Variants in GRM7 observed in about 807,000 individuals in gnomAD.
GRM7 encodes the protein metabotropic glutamate receptor 7.
Under a neutral mutation model 84.5 loss-of-function variants are expected in GRM7, and 35 were observed. That is an observed-to-expected ratio of 0.41 (90% CI 0.32 to 0.55). The LOEUF (loss-of-function observed/expected upper bound fraction) is 0.55. Among genes scored for constraint, GRM7 ranks in the 20% least tolerant of loss-of-function variants. The pLI is 0.19. For missense variants in GRM7, 1,003 were observed against 1,194.6 expected, an observed-to-expected ratio of 0.84 and a Z score of 2.36; for synonymous variants, 487 against 455.1, an observed-to-expected ratio of 1.07 and a Z score of -0.89.
chr3:6,949,076 G>A (rs971414147), intron 1 of GRM7, among the ~76,000 whole-genome samples: 10 of 152,088 alleles, frequency 6.6e-5, no homozygotes, highest in Non-Finnish European at 1.3e-4. Flanking sequence ...GTATTGTTAT[G>A]TGTGAATTTT....
chr3:7,591,753 A>T (rs144051130), intron 8 of GRM7, among the ~76,000 whole-genome samples: 12 of 152,252 alleles, frequency 7.9e-5, no homozygotes, highest in African/African-American at 2.9e-4. Context: ...CTTCATATAG[A>T]TTACTTCTTT....
intron 2 of GRM7, among the ~76,000 whole-genome samples, chr3:7,231,229 C>G (rs1400681460): frequency 6.6e-6 from 1 of 152,104 alleles, no homozygotes. Context: ...GGACTTCAAT[C>G]AGTTTTCCCG....
At chr3:7,494,230 G>C (rs902131595) in intron 7 of GRM7, among the ~76,000 whole-genome samples, 1 of 152,018 alleles carries the variant, frequency 6.6e-6, no homozygotes, top group Non-Finnish European at 1.5e-5. Flanking sequence ...ATCCTTGAAG[G>C]GTAGTTGCGC....
intron 3 of GRM7, among the ~76,000 whole-genome samples, chr3:7,305,300 C>A (rs1474516253): frequency 1.3e-5 from 2 of 149,426 alleles, no homozygotes; most frequent in Non-Finnish European, 1.5e-5. Context: ...TTGGTGTTTA[C>A]AATATCAGAA....
intron 2 of GRM7, among the ~76,000 whole-genome samples, chr3:7,278,939 T>C (rs530558697): frequency 1.3e-5 from 2 of 152,230 alleles, no homozygotes; most frequent in Non-Finnish European, 2.9e-5. Context: ...TGAAATCTTA[T>C]TGCTTTGTTC....
At chr3:7,168,945 G>C (rs916561051) in intron 2 of GRM7, among the ~76,000 whole-genome samples, 2 of 152,102 alleles carry the variant, frequency 1.3e-5, no homozygotes, top group Non-Finnish European at 2.9e-5. Flanking sequence ...ACCAGAAAAG[G>C]TATCTGCATT....
chr3:7,696,123 C>G (rs555222705), intron 9 of GRM7, among the ~76,000 whole-genome samples: 1 of 152,088 alleles, frequency 6.6e-6, no homozygotes, highest in Non-Finnish European at 1.5e-5. Flanking sequence ...CAGAAGAGTT[C>G]CTGTTGTTCT....
chr3:7,132,056 T>C (rs761923467), intron 1 of GRM7, among the ~76,000 whole-genome samples: 1 of 152,296 alleles, frequency 6.6e-6, no homozygotes, highest in African/African-American at 2.4e-5. Context: ...CTAAAGGAAA[T>C]CTGCCTCCTC....
intron 2 of GRM7, among the ~76,000 whole-genome samples, chr3:7,220,187 G>C (rs1220533948): frequency 6.6e-6 from 1 of 152,126 alleles, no homozygotes; most frequent in Non-Finnish European, 1.5e-5. Context: ...TTCCTTAATT[G>C]TGGGCTACAC....
At chr3:6,986,337 A>G (rs1694410078) in intron 1 of GRM7, among the ~76,000 whole-genome samples, 1 of 152,220 alleles carries the variant, frequency 6.6e-6, no homozygotes, top group South Asian at 2.1e-4. Flanking sequence ...AACTCATCAG[A>G]TGGTACAAAT....
At chr3:7,079,098 T>C (rs1698193303) in intron 1 of GRM7, among the ~76,000 whole-genome samples, 2 of 152,168 alleles carry the variant, frequency 1.3e-5, no homozygotes. Context: ...AAGTGAATTA[T>C]GTTCTCTACG....
At chr3:7,303,273 TA>T (rs1700072415) in intron 3 of GRM7, among the ~76,000 whole-genome samples, 2 of 152,092 alleles carry the variant, frequency 1.3e-5, no homozygotes, top group South Asian at 4.1e-4. Context: ...AATAAATACA[TA>T]AAAAAACTAA....
rs1031699503 is a variant in GRM7, at chr3:7,311,887, A to T, written c.1033+5235A>T. Among the ~76,000 whole-genome samples the T allele has an allele frequency of 4.6e-5, 7 of 152,226 alleles. No homozygotes were observed. In the East Asian group the frequency reaches 7.8e-4, roughly 17 times the overall value. On this transcript the variant is annotated intron_variant, in intron 4 of 9. Coordinates refer to ENST00000357716, the MANE Select transcript of GRM7 (RefSeq NM_000844.4). ...TAGGATTACAGGCATAAGCCACTGC[A>T]CCCGGCCTCAACACATTCTTCTTTC...
chr3:7,056,367 C>T (rs1697221244), intron 1 of GRM7, among the ~76,000 whole-genome samples: 1 of 151,944 alleles, frequency 6.6e-6, no homozygotes, highest in African/African-American at 2.4e-5. Context: ...GGTTTACTTT[C>T]TCATCAGGTT....
At chr3:7,189,614 C>T (rs1476538678) in intron 2 of GRM7, among the ~76,000 whole-genome samples, 1 of 151,872 alleles carries the variant, frequency 6.6e-6, no homozygotes, top group East Asian at 1.9e-4. Flanking sequence ...GAAGAGAGAC[C>T]CAAAGTAAGG....
intron 1 of GRM7, among the ~76,000 whole-genome samples, chr3:6,978,194 G>T (rs1412851252): frequency 6.6e-6 from 1 of 152,166 alleles, no homozygotes; most frequent in East Asian, 1.9e-4. Flanking sequence ...AAGAGACACA[G>T]AGAAAAGGAG....
intron 4 of GRM7, among the ~76,000 whole-genome samples, chr3:7,371,457 G>A (rs1307386660): frequency 1.3e-5 from 2 of 152,232 alleles, no homozygotes; most frequent in South Asian, 4.2e-4. Flanking sequence ...CAAAACTTAG[G>A]ATAAAAGAAG....
intron 8 of GRM7, among the ~76,000 whole-genome samples, chr3:7,678,565 G>A (rs908470688): frequency 6.6e-6 from 1 of 152,104 alleles, no homozygotes; most frequent in Middle Eastern, 3.2e-3. Flanking sequence ...ATGCTAGTAG[G>A]GAAATATGAA....
Position 7,287,252 on chromosome 3 carries a change from AAGCTTGGT to A in GRM7, c.737-11428_737-11421del, listed in dbSNP as rs1275625043. Among the ~76,000 whole-genome samples, 5 of 152,308 alleles carry A rather than the reference AAGCTTGGT, an allele frequency of 3.3e-5. No individual in the cohort carries two copies. In the East Asian group the frequency reaches 9.6e-4, roughly 29 times the overall value. ...CTAAGAACCTAAGTATTGAATTCTT[AAGCTTGGT>A]AGCCCCTTTTGTGACTTGACTTCTG... is the stretch of plus-strand genomic sequence containing the variant. On this transcript the variant is annotated intron_variant, in intron 2 of 9. Coordinates refer to ENST00000357716, the MANE Select transcript of GRM7 (RefSeq NM_000844.4).
Sources: gnomAD v4.1 joint callset for allele counts (sites outside exome capture counted in the v4.1 genomes callset) on GRCh38, gnomAD v4.1.1 for gene constraint, MANE v1.5 for transcripts, NCBI Gene and HGNC (gene_info 2026-07-23, HGNC 2026-07-21) for gene names.